TRHDE: variants seen among roughly 807,000 people sequenced by gnomAD.
TRHDE encodes thyrotropin-releasing hormone-degrading ectoenzyme.
A neutral mutation model predicts 125.7 loss-of-function variants in TRHDE; 72 were observed. The observed-to-expected ratio is 0.57, with a 90% CI of 0.47 to 0.70. The LOEUF (loss-of-function observed/expected upper bound fraction) is 0.70, where lower values mean the gene tolerates loss of function less well. Ranked by LOEUF, TRHDE falls within the 30% of genes least tolerant of loss-of-function variation. The pLI is 0.00. For missense variants in TRHDE, 1,110 were observed against 1,327.1 expected, an observed-to-expected ratio of 0.84 and a Z score of 2.54; for synonymous variants, 509 against 509.1, an observed-to-expected ratio of 1.00 and a Z score of 0.00.
At chr12:72,471,648 T>C (rs1488715060) in intron 4 of TRHDE, among the ~76,000 whole-genome samples, 3 of 152,208 alleles carry the variant, frequency 2.0e-5, no homozygotes, top group African/African-American at 7.2e-5. Flanking sequence ...ATTCTGAAGA[T>C]AGGATTTCAA....
chr12:72,656,874 AT>A (rs1193013272), intron 17 of TRHDE, 52 bp from the exon 18 acceptor site: 7 of 1,236,050 alleles, frequency 5.7e-6, no homozygotes, highest in Non-Finnish European at 8.2e-6. Context: ...TTATAGTAAT[AT>A]TTTTTAAAAT....
intron 2 of TRHDE, among the ~76,000 whole-genome samples, chr12:72,357,208 G>T (rs1191484114): frequency 6.6e-6 from 1 of 151,396 alleles, no homozygotes; most frequent in Non-Finnish European, 1.5e-5. Context: ...TGGAACCAAA[G>T]AAAGACACTG....
chr12:72,584,272 T>C (rs1451679701), intron 12 of TRHDE, among the ~76,000 whole-genome samples: 2 of 151,992 alleles, frequency 1.3e-5, no homozygotes, highest in Non-Finnish European at 2.9e-5. Context: ...GTCCATTTTA[T>C]TTTTTTTCAA....
chr12:72,162,322 G>T (rs375388567), intron 2 of TRHDE, among the ~76,000 whole-genome samples: 1 of 152,182 alleles, frequency 6.6e-6, no homozygotes, highest in South Asian at 2.1e-4. Context: ...TTGCTGCAGA[G>T]GTGACATGGT....
chr12:72,610,616 G>C (rs1348798771), intron 12 of TRHDE: 2 of 152,174 alleles, frequency 1.3e-5, no homozygotes, highest in African/African-American at 4.8e-5. Flanking sequence ...TGTGCACCTG[G>C]GTCTGCGCTA....
At chr12:72,488,969 C>T (rs1877535899) in intron 5 of TRHDE, among the ~76,000 whole-genome samples, 1 of 151,464 alleles carries the variant, frequency 6.6e-6, no homozygotes, top group South Asian at 2.1e-4. Flanking sequence ...TGAAAACAAA[C>T]ATACAAAAAT....
chr12:72,551,395 CTT>C (rs1479501062), intron 7 of TRHDE, among the ~76,000 whole-genome samples: 1 of 152,164 alleles, frequency 6.6e-6, no homozygotes, highest in Non-Finnish European at 1.5e-5. Context: ...CACCTTCTCT[CTT>C]CTGCTCAAGG....
chr12:72,426,436 A>G (rs925272797), intron 3 of TRHDE, among the ~76,000 whole-genome samples: 6 of 152,190 alleles, frequency 3.9e-5, no homozygotes, highest in Non-Finnish European at 8.8e-5. Flanking sequence ...TTTAAAAAAT[A>G]ACAACAGTAA....
At chr12:72,097,399 G>A (rs577393210) in intron 1 of TRHDE, among the ~76,000 whole-genome samples, 1 of 136,554 alleles carries the variant, frequency 7.3e-6, no homozygotes, top group South Asian at 2.4e-4. Flanking sequence ...TTATAGATAT[G>A]TTTAGTCCCT....
At chr12:72,344,449 T>C (rs567607625) in intron 2 of TRHDE, among the ~76,000 whole-genome samples, 2 of 152,260 alleles carry the variant, frequency 1.3e-5, no homozygotes, top group East Asian at 1.9e-4. Flanking sequence ...GGGCCTTAAA[T>C]GTGTTGCCTA....
intron 2 of TRHDE, among the ~76,000 whole-genome samples, chr12:72,161,959 G>T (rs1592464728): frequency 6.6e-6 from 1 of 152,122 alleles, no homozygotes; most frequent in Non-Finnish European, 1.5e-5. Flanking sequence ...AGCTCCATGG[G>T]TTTTGTAGGC....
chr12:72,406,231 A>G (rs1873260551), intron 3 of TRHDE, among the ~76,000 whole-genome samples: 1 of 152,200 alleles, frequency 6.6e-6, no homozygotes, highest in African/African-American at 2.4e-5. Flanking sequence ...TCTCCAAAAT[A>G]GATCAGTTGC....
At chr12:72,532,089 A>C (rs1042556213) in intron 6 of TRHDE, among the ~76,000 whole-genome samples, 7 of 152,050 alleles carry the variant, frequency 4.6e-5, no homozygotes, top group South Asian at 4.2e-4. Flanking sequence ...TCATTTTTAC[A>C]TCCTTGTGTG....
intron 3 of TRHDE, among the ~76,000 whole-genome samples, chr12:72,445,111 G>A (rs531993987): frequency 7.2e-5 from 11 of 151,742 alleles, no homozygotes; most frequent in African/African-American, 1.4e-4. Flanking sequence ...AATACTCAAT[G>A]ACCAAGAATT....
intron 1 of TRHDE, among the ~76,000 whole-genome samples, chr12:72,098,476 TG>T: frequency 6.6e-6 from 1 of 152,308 alleles, no homozygotes; most frequent in South Asian, 2.1e-4. Flanking sequence ...CCAAAGTGCA[TG>T]CTCTTTGGCA....
At chr12:72,492,573 T>C (rs1015027231) in intron 5 of TRHDE, among the ~76,000 whole-genome samples, 2 of 151,908 alleles carry the variant, frequency 1.3e-5, no homozygotes, top group Admixed American at 1.3e-4. Context: ...TTACTTTTTT[T>C]CAACTCTTGA....
At chr12:72,410,105 TAAAAA>T (rs1307351195) in intron 3 of TRHDE, among the ~76,000 whole-genome samples, 1 of 151,984 alleles carries the variant, frequency 6.6e-6, no homozygotes, top group Non-Finnish European at 1.5e-5. Flanking sequence ...CCATACATAT[TAAAAA>T]TAATATTAGG....
chr12:72,376,836 T>A (rs1284415367), intron 2 of TRHDE, among the ~76,000 whole-genome samples: 1 of 152,136 alleles, frequency 6.6e-6, no homozygotes, highest in Admixed American at 6.5e-5. Flanking sequence ...CTTTTTTTAT[T>A]GAATGTAAGT....
At chr12:72,462,684 A>G (rs1208990857) in intron 3 of TRHDE, among the ~76,000 whole-genome samples, 3 of 152,056 alleles carry the variant, frequency 2.0e-5, no homozygotes, top group African/African-American at 4.8e-5. Flanking sequence ...TTAGATACTA[A>G]TTTTCTTAAA....
Sources: allele counts gnomAD v4.1 joint callset (sites outside exome capture counted in the v4.1 genomes callset), GRCh38; gene constraint gnomAD v4.1.1; transcripts MANE v1.5; gene names NCBI Gene and HGNC (gene_info 2026-07-23, HGNC 2026-07-21).